The following FAM117A variants were observed in gnomAD, a reference collection of about 807,000 sequenced individuals.
FAM117A encodes the protein protein FAM117A.
In FAM117A, 21 loss-of-function variants were observed where a neutral mutation model predicts 44.1. The ratio of observed to expected loss-of-function variants is 0.48; its 90% confidence interval spans 0.34 to 0.69. The LOEUF is 0.69. Among genes scored for constraint, FAM117A ranks in the 30% least tolerant of loss-of-function variants. The pLI is 0.01. For missense variants in FAM117A, 498 were observed against 589.9 expected (o/e 0.84, Z 1.61); for synonymous variants, 220 against 238.3 (o/e 0.92, Z 0.71).
At chr17:49,788,574 T>C (rs924959261) in exon 1 of FAM117A, 16 of 406,064 alleles carry the variant, frequency 3.9e-5, no homozygotes, top group Non-Finnish European at 6.6e-5. Context: ...CCCACTAGCT[T>C]CACCAAAAGG....
chr17:49,711,145 T>C lies in FAM117A; in HGVS notation c.*110A>G. 9.1e-7 allele frequency: 1 copy of C among 1,101,078 alleles called. No homozygotes were observed. The highest frequency in any genetic ancestry group is 1.3e-6 in the Non-Finnish European group (1 of 784,812). The allele number at this position is 1,101,078 out of a possible 1,614,324, so 68.2% of individuals were successfully genotyped here. The stretch of plus-strand genomic sequence containing the variant: ...TGACACAGTAAGTGAAAGAAAGTGC[T>C]CGAAGGCCGAGAGGGAAGGGCCCCT... On this transcript the variant is annotated 3_prime_UTR_variant, in exon 8 of 8. Transcript: ENST00000240364.
chr17:49,775,009 C>G (rs1432329176), intron 1 of FAM117A, among the ~76,000 whole-genome samples: 1 of 152,066 alleles, frequency 6.6e-6, no homozygotes, highest in Non-Finnish European at 1.5e-5. Context: ...CTCACCCCAC[C>G]CTCTGGCCCC....
intron 1 of FAM117A, among the ~76,000 whole-genome samples, chr17:49,773,105 A>C (rs1022714205): frequency 6.6e-6 from 1 of 152,102 alleles, no homozygotes; most frequent in Non-Finnish European, 1.5e-5. Flanking sequence ...GGAATTCAAG[A>C]CCAGCCTGGC....
At chr17:49,718,513 C>CA (rs930351168) in intron 5 of FAM117A, among the ~76,000 whole-genome samples, 1 of 151,132 alleles carries the variant, frequency 6.6e-6, no homozygotes, top group Non-Finnish European at 1.5e-5. Flanking sequence ...CTCAAAGATA[C>CA]AAAAAAAATT....
In FAM117A at chr17:49,763,977, G is replaced by T. The variant is rs2073734206; in HGVS notation, c.111C>A (p.Pro37=). 5 of 1,228,396 alleles carry T rather than the reference G, an allele frequency of 4.1e-6. No homozygotes were observed. Among genetic ancestry groups the T allele is most frequent in the African/African-American group, 1.6e-5 (1 of 64,002 alleles). 76.1% of individuals were successfully genotyped at this position (1,228,396 alleles called of 1,614,324 possible). ...CCCTGAGCGGCTGCAGCCCAGCCCG[G>T]GGGGAGCCGGCGGGGGCTGGGGGAG... The part of the protein sequence containing the change: ...GCSPPAPAGS[P]RAGLQPLRAT... The change falls in exon 1 of 8, where the codon CCC becomes CCA. Residue 37 remains proline, a synonymous_variant. Transcript: ENST00000240364.
chr17:49,784,768 C>T (rs1475544588), intron 1 of FAM117A, among the ~76,000 whole-genome samples: 1 of 152,198 alleles, frequency 6.6e-6, no homozygotes, highest in Non-Finnish European at 1.5e-5. Flanking sequence ...CCTATTTTCC[C>T]ATGTAATACT....
At chr17:49,751,796 T>A (rs1164784990) in intron 1 of FAM117A, among the ~76,000 whole-genome samples, 1 of 149,496 alleles carries the variant, frequency 6.7e-6, no homozygotes, top group African/African-American at 2.5e-5. Context: ...TACAAAAAAA[T>A]TAGCCGGCAT....
At chr17:49,725,158 C>T (rs1280111613) in intron 2 of FAM117A, among the ~76,000 whole-genome samples, 1 of 152,234 alleles carries the variant, frequency 6.6e-6, no homozygotes. Context: ...CCTGGTCTCC[C>T]GATCTAAGAC....
intron 1 of FAM117A, among the ~76,000 whole-genome samples, chr17:49,762,036 C>T (rs1332980580): frequency 2.0e-5 from 3 of 152,200 alleles, no homozygotes; most frequent in South Asian, 4.1e-4. Flanking sequence ...TACATTTCTA[C>T]CAGTATCCCA....
At chr17:49,770,064 G>A (rs894793002) in intron 1 of FAM117A, among the ~76,000 whole-genome samples, 1 of 152,096 alleles carries the variant, frequency 6.6e-6, no homozygotes, top group Non-Finnish European at 1.5e-5. Flanking sequence ...GAGGTCAGGA[G>A]TTCGAGACCA....
intron 1 of FAM117A, among the ~76,000 whole-genome samples, chr17:49,737,945 T>C (rs993822549): frequency 6.6e-6 from 1 of 152,226 alleles, no homozygotes; most frequent in African/African-American, 2.4e-5. Flanking sequence ...GACACCTGCC[T>C]AGACACCTGG....
At chr17:49,763,838 G>C in intron 1 of FAM117A, 54 bp downstream of exon 1, 16 of 293,578 alleles carry the variant, frequency 5.5e-5, no homozygotes, top group Non-Finnish European at 7.0e-5. Flanking sequence ...GCGGTCACGC[G>C]CCCCCCCTCC....
upstream of FAM117A, chr17:49,788,663 T>C: frequency 1.6e-6 from 1 of 620,722 alleles, no homozygotes; most frequent in Non-Finnish European, 2.6e-6. Context: ...AAAAAGCGCT[T>C]CAGCCCGCGG....
intron 1 of FAM117A, among the ~76,000 whole-genome samples, chr17:49,740,962 A>G (rs770561344): frequency 6.6e-6 from 1 of 152,188 alleles, no homozygotes; most frequent in Non-Finnish European, 1.5e-5. Flanking sequence ...TTAGCACTTT[A>G]CAAGGGGAAA....
At chr17:49,761,269 G>A (rs2073721661) in intron 1 of FAM117A, among the ~76,000 whole-genome samples, 1 of 152,188 alleles carries the variant, frequency 6.6e-6, no homozygotes, top group Admixed American at 6.5e-5. Flanking sequence ...TAAAAGATGA[G>A]GGAATAAAAA....
intron 2 of FAM117A, 114 bp downstream of exon 2, chr17:49,732,437 C>T (rs964724304): frequency 1.9e-5 from 19 of 996,476 alleles, no homozygotes; most frequent in South Asian, 3.2e-5. Context: ...ATAATATGTA[C>T]GACCAAAACC....
At chr17:49,724,790 CA>C (rs2073551920) in intron 2 of FAM117A, among the ~76,000 whole-genome samples, 1 of 132,964 alleles carries the variant, frequency 7.5e-6, no homozygotes, top group Admixed American at 8.5e-5. Context: ...CACTGCACTC[CA>C]AGCCTGGGCG....
intron 1 of FAM117A, among the ~76,000 whole-genome samples, chr17:49,751,805 A>T (rs2073678661): frequency 6.6e-6 from 1 of 150,656 alleles, no homozygotes; most frequent in Non-Finnish European, 1.5e-5. Flanking sequence ...ATTAGCCGGC[A>T]TGGTGGCGGG....
At chr17:49,715,366 T>TCTTCACTCACACACCATGACTAAA (rs1454764717) in intron 7 of FAM117A, among the ~76,000 whole-genome samples, 1 of 152,164 alleles carries the variant, frequency 6.6e-6, no homozygotes, top group Non-Finnish European at 1.5e-5. Flanking sequence ...CCCAGCTACA[T>TCTTCACTCACACACCATGACTAAA]CTTCACTCAC....
Sources: allele counts gnomAD v4.1 joint callset (sites outside exome capture counted in the v4.1 genomes callset), GRCh38; gene constraint gnomAD v4.1.1; transcripts MANE v1.5; gene names NCBI Gene and HGNC (gene_info 2026-07-23, HGNC 2026-07-21).